PRKN: variants seen among roughly 807,000 people sequenced by gnomAD.
The protein encoded by PRKN is parkin RBR E3 ubiquitin protein ligase.
In PRKN, 56 loss-of-function variants were observed where a neutral mutation model predicts 59.5. The ratio of observed to expected loss-of-function variants is 0.94; its 90% CI spans 0.76 to 1.18. The LOEUF (loss-of-function observed/expected upper bound fraction) is 1.18. Among genes scored for constraint, PRKN ranks in the 50% most tolerant of loss-of-function variants. The probability of loss-of-function intolerance (pLI) is 0.00; values close to 1 mark genes in which losing one functional copy is unlikely to be tolerated. For synonymous variants in PRKN, 250 were observed against 222.1 expected, an observed-to-expected ratio of 1.13 and a Z score of -1.12; for missense variants, 657 against 596.4, an observed-to-expected ratio of 1.10 and a Z score of -1.06.
intron 1 of PRKN, among the ~76,000 whole-genome samples, chr6:162,500,955 C>T (rs79150988): frequency 0.012 from 1,890 of 152,124 alleles, 49 homozygotes; most frequent in African/African-American, 0.043. Flanking sequence ...TGCTTGAGGC[C>T]GGGAGTTTGA....
intron 1 of PRKN, among the ~76,000 whole-genome samples, chr6:162,567,159 T>C (rs1361456108): frequency 2.5e-5 from 3 of 121,408 alleles, no homozygotes; most frequent in Admixed American, 8.4e-5. Context: ...CCACAGGTAG[T>C]ATCATACTAC....
chr6:161,874,156 T>TTATATATAA (rs1314721678), intron 6 of PRKN, among the ~76,000 whole-genome samples: 3 of 18,628 alleles, frequency 1.6e-4, no homozygotes, highest in African/African-American at 2.4e-4. Flanking sequence ...ATAATATATA[T>TTATATATAA]TATATATAAT....
At chr6:161,676,549 C>A (rs1199470184) in intron 7 of PRKN, among the ~76,000 whole-genome samples, 2 of 152,212 alleles carry the variant, frequency 1.3e-5, no homozygotes, top group Non-Finnish European at 2.9e-5. Flanking sequence ...CTGATTGGAA[C>A]TCAGCAGCCT....
At chr6:162,441,064 A>T (rs1583576902) in intron 2 of PRKN, among the ~76,000 whole-genome samples, 1 of 152,074 alleles carries the variant, frequency 6.6e-6, no homozygotes, top group Non-Finnish European at 1.5e-5. Flanking sequence ...GAAGTTCCAT[A>T]AGTATGAACC....
At chr6:161,976,093 T>C (rs1264397439) in intron 5 of PRKN, among the ~76,000 whole-genome samples, 1 of 152,046 alleles carries the variant, frequency 6.6e-6, no homozygotes, top group East Asian at 1.9e-4. Flanking sequence ...TTTGTAGAGA[T>C]GGGGTTTCAC....
intron 1 of PRKN, among the ~76,000 whole-genome samples, chr6:162,692,394 C>G (rs575318384): frequency 8.5e-5 from 13 of 152,212 alleles, no homozygotes; most frequent in Non-Finnish European, 1.6e-4. Context: ...TGCTTTTCTA[C>G]CTGGGGCCTT....
chr6:161,369,917 C>T lies in PRKN; in HGVS notation c.1168-9712G>A, dbSNP rs1785372096. 2.5e-6 allele frequency: 1 copy of T among 395,548 alleles called. No homozygotes were observed. The highest frequency in any genetic ancestry group is 1.7e-5 in the South Asian group (1 of 57,418). 24.5% of individuals were successfully genotyped at this position (395,548 alleles called of 1,614,324 possible). A position where few individuals can be genotyped will look rare whatever the true frequency, so the allele number is the denominator to read the frequency against. On this transcript the variant is annotated intron_variant, in intron 10 of 11. Coordinates refer to ENST00000366898, the MANE Select transcript of PRKN (RefSeq NM_004562.3). This position sits in a 1 kb window ranked among gnomAD's most constrained non-coding sequence, Gnocchi z 5.8. The stretch of plus-strand genomic sequence containing the variant: ...TCCATCTGTGGCTCAAGAGGAATAA[C>T]CTCACAAGGGTCATCGTGAGTAAGA...
chr6:161,783,699 G>A (rs1790303845), intron 7 of PRKN: 2 of 507,810 alleles, frequency 3.9e-6, no homozygotes, highest in African/African-American at 3.9e-5. Context: ...AAACAAAATT[G>A]TCACATTAAA....
chr6:162,075,889 C>T (rs73032235), intron 4 of PRKN, among the ~76,000 whole-genome samples: 5,187 of 151,686 alleles, frequency 0.034, 140 homozygotes, highest in Non-Finnish European at 0.054. Flanking sequence ...CTGAACCGTA[C>T]ACATTGTGGG....
chr6:161,859,744 C>T (rs1029079915), intron 6 of PRKN, among the ~76,000 whole-genome samples: 1 of 152,016 alleles, frequency 6.6e-6, no homozygotes, highest in Admixed American at 6.6e-5. Flanking sequence ...AGTGGGATTC[C>T]GTCTTCTTGC....
chr6:162,084,437 A>C (rs1387671783), intron 4 of PRKN, among the ~76,000 whole-genome samples: 9 of 152,126 alleles, frequency 5.9e-5, no homozygotes, highest in Non-Finnish European at 2.9e-5. Flanking sequence ...TCTTTCAATA[A>C]AGTTGTGGGA....
chr6:161,667,543 G>A (rs969024220), intron 7 of PRKN, among the ~76,000 whole-genome samples: 2 of 152,174 alleles, frequency 1.3e-5, no homozygotes, highest in Non-Finnish European at 2.9e-5. Flanking sequence ...CCTTGTTAGA[G>A]GGTTTATTGG....
intron 2 of PRKN, among the ~76,000 whole-genome samples, chr6:162,429,512 C>T (rs989079594): frequency 4.6e-5 from 7 of 152,058 alleles, no homozygotes; most frequent in African/African-American, 9.7e-5. Context: ...AGATTCTACC[C>T]GGATTTCTCT....
intron 1 of PRKN, among the ~76,000 whole-genome samples, chr6:162,566,703 A>G (rs1244980998): frequency 1.3e-5 from 2 of 152,294 alleles, no homozygotes; most frequent in African/African-American, 4.8e-5. Flanking sequence ...TCTACCAAAC[A>G]TTTAAAGAAG....
intron 1 of PRKN, among the ~76,000 whole-genome samples, chr6:162,649,779 C>T (rs1011234261): frequency 1.3e-5 from 2 of 152,122 alleles, no homozygotes; most frequent in Admixed American, 1.3e-4. Flanking sequence ...AACCTGCCAG[C>T]CCTTCAGTAA....
At chr6:162,398,035 T>C (rs1487543314) in intron 2 of PRKN, among the ~76,000 whole-genome samples, 8 of 78,950 alleles carry the variant, frequency 1.0e-4, no homozygotes, top group African/African-American at 5.7e-4. Context: ...GGATTCTGAC[T>C]CAAAAAAAAA....
Position 161,352,441 on chromosome 6 carries a change from A to AT in PRKN, c.1286-2231dup, listed in dbSNP as rs1784585510. ...CATACTTTCCACTTAGGTTTGTGCCATTTTCAGCACATATTGCATGGTTGT... is the reference window on the plus strand; with the variant it reads ...CATACTTTCCACTTAGGTTTGTGCCATTTTTCAGCACATATTGCATGGTTGT... On this transcript the variant is annotated intron_variant, in intron 11 of 11. Transcript: ENST00000366898. The surrounding 1 kb of genome is among the most constrained non-coding windows in gnomAD (Gnocchi z 5.8). Among the ~76,000 whole-genome samples, 1 of 152,038 alleles carries AT rather than the reference A, an allele frequency of 6.6e-6. No homozygotes were observed. Among genetic ancestry groups the AT allele is most frequent in the African/African-American group, 2.4e-5 (1 of 41,406 alleles).
intron 4 of PRKN, among the ~76,000 whole-genome samples, chr6:162,094,029 C>G (rs1314115167): frequency 6.6e-6 from 1 of 152,134 alleles, no homozygotes; most frequent in East Asian, 1.9e-4. Flanking sequence ...GAAAACCCAG[C>G]TCAAGCAAGA....
chr6:161,540,576 C>G (rs961025142), intron 9 of PRKN, among the ~76,000 whole-genome samples: 10 of 152,114 alleles, frequency 6.6e-5, no homozygotes, highest in Non-Finnish European at 1.3e-4. Flanking sequence ...CCTAATGGCT[C>G]TGATTTTTGG....
Sources: allele counts gnomAD v4.1 joint callset (sites outside exome capture counted in the v4.1 genomes callset), GRCh38; gene constraint gnomAD v4.1.1; non-coding constraint Gnocchi (gnomAD v3.1); transcripts MANE v1.5; gene names NCBI Gene and HGNC (gene_info 2026-07-23, HGNC 2026-07-21).